The following PRDM1 variants were observed in gnomAD, a reference collection of about 807,000 sequenced individuals.
The protein encoded by PRDM1 is PR/SET domain 1.
Under a neutral mutation model 62.8 loss-of-function variants are expected in PRDM1, and 13 were observed. That is an observed-to-expected ratio of 0.21 (90% CI 0.13 to 0.33). The LOEUF is 0.33. Ranked by LOEUF, PRDM1 falls within the 10% of genes least tolerant of loss-of-function variation. The pLI is 1.00. For synonymous variants in PRDM1, 396 were observed against 417.6 expected (o/e 0.95, Z 0.63); for missense variants, 895 against 1,058.8 (o/e 0.85, Z 2.15).
rs1774545040 is a variant in PRDM1 at position 106,107,758 on chromosome 6, T to C, written c.*272T>C. The C allele has an allele frequency of 4.4e-6, 1 of 229,170 alleles. No individual in the cohort carries two copies. The highest frequency in any genetic ancestry group is 5.7e-5 in the Admixed American group (1 of 17,484). 14.2% of individuals were successfully genotyped at this position (229,170 alleles called of 1,614,324 possible). On this transcript the variant is annotated 3_prime_UTR_variant, in exon 7 of 7. Transcript: ENST00000369096. ...GTGTCTATATATTTGCCCCTGTGTA[T>C]TTTGAATATTTGTGTGGACATGTTT...
In PRDM1 at chr6:106,105,281, A is replaced by C; in HGVS notation, c.1121A>C (p.Tyr374Ser). Residue 374 changes from tyrosine (Y) to serine (S), a missense_variant, in exon 5 of 7, where the codon TAC becomes TCC. This residue lies in a region of PRDM1 where 444 missense variants were observed against 422.7 expected (regional missense o/e 1.05). Transcript: ENST00000369096. ...GPGSQEHRDSYAYLNASYGTE... is the reference protein window; with the variant it reads ...GPGSQEHRDSSAYLNASYGTE... ...GGCTCTCAAGAGCACCGGGACTCCT[A>C]CGCTTACTTGAACGCGTCCTACGGC... The C allele has an allele frequency of 6.2e-7, 1 of 1,613,762 alleles. No individual in the cohort carries two copies. The highest frequency in any genetic ancestry group is 8.5e-7 in the Non-Finnish European group (1 of 1,179,912).
At position 106,109,842 on chromosome 6, in the gene PRDM1, A is replaced by G. The variant is rs1774637896; in HGVS notation, c.*2356A>G. The G allele has an allele frequency of 4.3e-6, 1 of 232,772 alleles. No homozygotes were observed. The highest frequency in any genetic ancestry group is 5.6e-5 in the Admixed American group (1 of 17,758). 14.4% of individuals were successfully genotyped at this position (232,772 alleles called of 1,614,324 possible). On this transcript the variant is annotated 3_prime_UTR_variant, in exon 7 of 7. Transcript: ENST00000369096. Reference sequence around the variant, plus strand: ...TACTGGCTTTTTACTTTGCTAGAACAACAAACTATCTTATGTTTACATACT... The same window carrying G: ...TACTGGCTTTTTACTTTGCTAGAACGACAAACTATCTTATGTTTACATACT...
intron 1 of PRDM1, among the ~76,000 whole-genome samples, chr6:106,020,008 T>A (rs1379973272): frequency 6.7e-6 from 1 of 150,090 alleles, no homozygotes; most frequent in Non-Finnish European, 1.5e-5. Context: ...GGTGGGTGGA[T>A]CACTTGAGGT....
chr6:106,088,496 A>ATC (rs749995374), intron 2 of PRDM1, 47 bp downstream of exon 2: 5 of 1,611,190 alleles, frequency 3.1e-6, no homozygotes, highest in Non-Finnish European at 8.5e-7. Flanking sequence ...CTGGTGCCAA[A>ATC]TCTCCCTACT....
intron 1 of PRDM1, among the ~76,000 whole-genome samples, chr6:106,000,633 T>C (rs1772415412): frequency 6.7e-6 from 1 of 148,920 alleles, no homozygotes; most frequent in African/African-American, 2.4e-5. Context: ...TGTATAGTAA[T>C]GTTTGTCTTA....
intron 1 of PRDM1, among the ~76,000 whole-genome samples, chr6:106,080,939 GCT>G (rs1773684569): frequency 6.6e-6 from 1 of 152,186 alleles, no homozygotes; most frequent in Non-Finnish European, 1.5e-5. Context: ...CGGGGTGCCT[GCT>G]TGAAGGAAAC....
chr6:106,081,906 A>G (rs1773701216), upstream of PRDM1, among the ~76,000 whole-genome samples: 1 of 152,076 alleles, frequency 6.6e-6, no homozygotes, highest in Non-Finnish European at 1.5e-5. Context: ...CCTCCATAGA[A>G]GCCTTTCACC....
intron 3 of PRDM1, chr6:106,098,390 T>C (rs1282943704): frequency 1.0e-6 from 1 of 985,374 alleles, no homozygotes; most frequent in East Asian, 1.1e-4. Flanking sequence ...GTAGCCTGAG[T>C]GCATCTGTTA....
chr6:105,997,684 A>G (rs1772364626), intron 1 of PRDM1, among the ~76,000 whole-genome samples: 1 of 152,212 alleles, frequency 6.6e-6, no homozygotes, highest in Admixed American at 6.5e-5. Flanking sequence ...TAAAGCTCGT[A>G]TTCTCCATAT....
In PRDM1 at chr6:106,014,801, C is replaced by CAG. The variant is rs566010158; in HGVS notation, c.-67+21163_-67+21164dup. 3.9e-4 allele frequency among the ~76,000 whole-genome samples: 60 copies of CAG among 151,946 alleles called. 1 individual carries two copies. The highest frequency in any genetic ancestry group is 6.8e-4 in the Non-Finnish European group (46 of 68,010). On this transcript the variant is annotated intron_variant, in intron 1 of 6. Coordinates refer to the PRDM1 transcript ENST00000652320. The stretch of plus-strand genomic sequence containing the variant: ...AAGGCAGCTGTTGGCCTTCTGGTGA[C>CAG]AGGTGTCTTTCTTTCTTTTTTAAAA...
chr6:106,027,229 G>C (rs1480853322), intron 1 of PRDM1, among the ~76,000 whole-genome samples: 1 of 152,216 alleles, frequency 6.6e-6, no homozygotes, highest in African/African-American at 2.4e-5. Context: ...TGTGCAAACG[G>C]AGTGCCAGCT....
chr6:106,032,353 A>G (rs1772856257), intron 1 of PRDM1, among the ~76,000 whole-genome samples: 1 of 141,060 alleles, frequency 7.1e-6, no homozygotes, highest in Non-Finnish European at 1.5e-5. Context: ...TTTGGTAGAG[A>G]CAGGGTTTCA....
rs2114666439 is a variant in PRDM1, at chr6:106,107,690, A to ATATATG, written c.*209_*210insGTATAT. On this transcript the variant is annotated 3_prime_UTR_variant, in exon 7 of 7. Transcript: ENST00000369096. The stretch of plus-strand genomic sequence containing the variant: ...CAAGGCAAAGGCCATATATATATAT[A>ATATATG]TATATATATCTGTATACATATTATA... 3 of 224,958 alleles carry ATATATG rather than the reference A, an allele frequency of 1.3e-5. No homozygotes were observed. The highest frequency in any genetic ancestry group is 2.6e-5 in the Non-Finnish European group (3 of 117,052). 13.9% of individuals were successfully genotyped at this position (224,958 alleles called of 1,614,324 possible).
At chr6:106,004,951 A>G (rs1015312068) in intron 1 of PRDM1, among the ~76,000 whole-genome samples, 6 of 152,228 alleles carry the variant, frequency 3.9e-5, no homozygotes, top group Admixed American at 3.3e-4. Flanking sequence ...TATGGAAACA[A>G]TGAACTCTTT....
intron 1 of PRDM1, among the ~76,000 whole-genome samples, chr6:106,029,775 T>C (rs1235257930): frequency 2.6e-5 from 4 of 151,972 alleles, no homozygotes; most frequent in Non-Finnish European, 5.9e-5. Context: ...CCTGGCTAAT[T>C]GGTTTTTTTT....
At chr6:106,017,726 G>A (rs145494963) in intron 1 of PRDM1, among the ~76,000 whole-genome samples, 22 of 152,076 alleles carry the variant, frequency 1.4e-4, no homozygotes, top group Non-Finnish European at 2.8e-4. Flanking sequence ...TTTCTTTTTC[G>A]GAAAGGGACC....
At chr6:106,061,686 C>T (rs914010070) in intron 1 of PRDM1, among the ~76,000 whole-genome samples, 28 of 152,134 alleles carry the variant, frequency 1.8e-4, no homozygotes, top group African/African-American at 4.1e-4. Context: ...TGTCTTAATA[C>T]GGAAATTGAA....
At chr6:106,013,234 T>A (rs1772578348) in intron 1 of PRDM1, among the ~76,000 whole-genome samples, 1 of 151,570 alleles carries the variant, frequency 6.6e-6, no homozygotes, top group African/African-American at 2.4e-5. Context: ...TCATCAACCT[T>A]CCCAATCCCT....
intron 1 of PRDM1, among the ~76,000 whole-genome samples, chr6:106,023,455 C>G (rs1772723451): frequency 6.9e-6 from 1 of 144,100 alleles, no homozygotes; most frequent in Admixed American, 7.2e-5. Flanking sequence ...GCCTGGGCGA[C>G]AGAGCGAGAC....
Sources: gnomAD v4.1 joint callset for allele counts (sites outside exome capture counted in the v4.1 genomes callset) on GRCh38, gnomAD v4.1.1 for gene constraint, gnomAD v4.1.1 regional missense constraint, MANE v1.5 for transcripts, NCBI Gene and HGNC (gene_info 2026-07-23, HGNC 2026-07-21) for gene names.